SOS2: variants seen among roughly 807,000 people sequenced by gnomAD.
The protein encoded by SOS2 is SOS Ras/Rho guanine nucleotide exchange factor 2.
SOS2 carries 65 observed loss-of-function variants against 148.2 expected under a neutral mutation model. The observed-to-expected ratio is 0.44, with a 90% CI of 0.36 to 0.54. The LOEUF is 0.54. Ranked by LOEUF, SOS2 falls within the 20% of genes least tolerant of loss-of-function variation. The pLI is 0.00. For synonymous variants in SOS2, 539 were observed against 537.1 expected (o/e 1.00, Z -0.05); for missense variants, 1,341 against 1,590.2 (o/e 0.84, Z 2.67).
chr14:50,128,429 C>CAAAA (rs34823252), intron 21 of SOS2, among the ~76,000 whole-genome samples: 2 of 150,604 alleles, frequency 1.3e-5, no homozygotes, highest in Non-Finnish European at 3.0e-5. Context: ...TACAAACAAA[C>CAAAA]CTAAACAAAC....
intron 15 of SOS2, 51 bp downstream of exon 15, chr14:50,145,426 T>C: frequency 6.4e-7 from 1 of 1,568,126 alleles, no homozygotes; most frequent in Non-Finnish European, 8.6e-7. Context: ...AGCTTAAATA[T>C]GACTTAATAT....
intron 4 of SOS2, among the ~76,000 whole-genome samples, chr14:50,190,913 C>T (rs1393422043): frequency 1.3e-5 from 2 of 152,116 alleles, no homozygotes; most frequent in African/African-American, 4.8e-5. Context: ...AACAGACATG[C>T]AAAATAAAGG....
chr14:50,131,279 A>G (rs372304617), intron 19 of SOS2, among the ~76,000 whole-genome samples: 1 of 152,180 alleles, frequency 6.6e-6, no homozygotes, highest in East Asian at 1.9e-4. Flanking sequence ...TGGCAGGAGT[A>G]ATCAAATAAA....
Position 50,118,742 on chromosome 14 carries a change from G to A in SOS2, c.3601C>T (p.His1201Tyr). The change falls in exon 23 of 23, where the codon CAT becomes TAT. Residue 1201 changes from histidine (H) to tyrosine (Y), a missense_variant. Around this residue, in one of 4 missense-constraint regions of SOS2, gnomAD observed 354 missense variants for 347.7 expected, o/e 1.02. Coordinates refer to ENST00000216373, the MANE Select transcript of SOS2 (RefSeq NM_006939.4). ...VPTGAFDGPL[H>Y]SPPPPPPRDP... is the part of the protein sequence containing the mutation. The stretch of plus-strand genomic sequence containing the variant: ...CTTGGTGGTGGCGGAGGTGGACTAT[G>A]CAGAGGCCCATCAAATGCACCAGTA... The A allele has an allele frequency of 6.2e-7, 1 of 1,613,356 alleles. No individual in the cohort carries two copies. Among genetic ancestry groups the A allele is most frequent in the Non-Finnish European group, 8.5e-7 (1 of 1,179,854 alleles).
At chr14:50,229,553 A>G (rs1887477735) in intron 1 of SOS2, among the ~76,000 whole-genome samples, 1 of 152,052 alleles carries the variant, frequency 6.6e-6, no homozygotes, top group Admixed American at 6.6e-5. Flanking sequence ...TTATGCCTGT[A>G]ATCCCAACAG....
intron 12 of SOS2, chr14:50,155,988 T>C (rs917756425): frequency 6.6e-6 from 1 of 152,176 alleles, no homozygotes; most frequent in African/African-American, 2.4e-5. Context: ...GACATATAGC[T>C]GGGAGCACTA....
chr14:50,197,116 G>C (rs564163526), intron 4 of SOS2, among the ~76,000 whole-genome samples: 2 of 152,190 alleles, frequency 1.3e-5, no homozygotes, highest in East Asian at 3.9e-4. Flanking sequence ...GCCTCCCAAA[G>C]TGCTGGGATT....
At chr14:50,209,172 G>T (rs1040057232) in intron 1 of SOS2, among the ~76,000 whole-genome samples, 1 of 152,050 alleles carries the variant, frequency 6.6e-6, no homozygotes, top group Non-Finnish European at 1.5e-5. Flanking sequence ...TTCAGACTAG[G>T]ACTAGAATTA....
At chr14:50,186,127 T>C (rs1485287076) in intron 5 of SOS2, among the ~76,000 whole-genome samples, 1 of 152,174 alleles carries the variant, frequency 6.6e-6, no homozygotes. Context: ...CTTTAATATT[T>C]GCAGAGTACT....
chr14:50,217,100 A>G (rs1887060400), intron 1 of SOS2, among the ~76,000 whole-genome samples: 1 of 152,236 alleles, frequency 6.6e-6, no homozygotes. Context: ...ACTGACATAA[A>G]GATAAGGAAA....
chr14:50,136,225 G>C (rs2139538837), intron 18 of SOS2, among the ~76,000 whole-genome samples: 1 of 152,212 alleles, frequency 6.6e-6, no homozygotes, highest in South Asian at 2.1e-4. Flanking sequence ...CTCATCCTTT[G>C]CTCTATTTTA....
rs746848280 is a variant in SOS2 at position 50,140,042 on chromosome 14, T to C, written c.2685A>G (p.Lys895=). The C allele has an allele frequency of 1.9e-6, 3 of 1,588,182 alleles. No individual in the cohort carries two copies. The highest frequency in any genetic ancestry group is 2.6e-6 in the Non-Finnish European group (3 of 1,158,658). Residue 895 remains lysine (K), a synonymous_variant, in exon 17 of 23, where the codon AAA becomes AAG. Coordinates refer to ENST00000216373, the MANE Select transcript of SOS2 (RefSeq NM_006939.4). ...DHTFEALQER[K]RKILDEAVEL... ...CCACAGCTTCGTCCAAAATTTTCCT[T>C]TTCCTTTCCTGCAGTGCCTTAAAGT...
rs1883396353 is a variant in SOS2, at chr14:50,118,672, G to A, written c.3671C>T (p.Pro1224Leu). The change falls in exon 23 of 23, where the codon CCA becomes CTA. Residue 1224 changes from proline to leucine, a missense_variant. By Grantham distance (98) the Pro-to-Leu change is moderately conservative (BLOSUM62 -3). This residue lies in a region of SOS2 where 354 missense variants were observed against 347.7 expected (regional missense o/e 1.02). Coordinates refer to ENST00000216373, the MANE Select transcript of SOS2 (RefSeq NM_006939.4). ...AAATGGACAGTTTATAAAGTGTTCT[G>A]GAGGCCGAAGGGGAACTGGTGGAGG... The part of the protein sequence containing the change: ...DTPPPVPLRP[P>L]EHFINCPFNL... 6.2e-7 allele frequency: 1 copy of A among 1,613,840 alleles called. No homozygotes were observed. Among genetic ancestry groups the A allele is most frequent in the East Asian group, 2.2e-5 (1 of 44,874 alleles).
Position 50,136,036 on chromosome 14 carries a change from A to C in SOS2, c.2959-1797T>G, listed in dbSNP as rs1884068345. Among the ~76,000 whole-genome samples the C allele has an allele frequency of 2.0e-5, 3 of 152,310 alleles. No individual in the cohort carries two copies. In the South Asian group the frequency reaches 6.2e-4, roughly 32 times the overall value. On this transcript the variant is annotated intron_variant, in intron 18 of 22. Coordinates refer to ENST00000216373, the MANE Select transcript of SOS2 (RefSeq NM_006939.4). ...TTAGCAGTAGGCAAAATGAGCTTTA[A>C]AATTTCTAGTATAAAATTCTTCCCA...
intron 1 of SOS2, among the ~76,000 whole-genome samples, chr14:50,209,274 C>CGCGTGTGTGTGTGTGT (rs1415473469): frequency 1.7e-5 from 2 of 118,276 alleles, no homozygotes; most frequent in African/African-American, 5.8e-5. Flanking sequence ...CCTTAAATGT[C>CGCGTGTGTGTGTGTGT]GTGTGTGTGT....
At chr14:50,198,019 A>G (rs888194343) in intron 4 of SOS2, among the ~76,000 whole-genome samples, 15 of 145,170 alleles carry the variant, frequency 1.0e-4, no homozygotes, top group African/African-American at 3.8e-4. Flanking sequence ...TTTTTTTTGA[A>G]GTTAAGGGAG....
In SOS2 at chr14:50,193,573, C is replaced by G. The variant is rs559979552; in HGVS notation, c.511-4873G>C. Among the ~76,000 whole-genome samples the G allele has an allele frequency of 1.5e-3, 233 of 152,162 alleles. 3 individuals are homozygous for G. In the Middle Eastern group the frequency reaches 0.021, roughly 13 times the overall value. On this transcript the variant is annotated intron_variant, in intron 4 of 22. Transcript: ENST00000216373. ...TAGGGTTGATTCTCAAGTTCTCTGT[C>G]TGGCAAATTAAAGATATCCCTAGAA...
intron 1 of SOS2, among the ~76,000 whole-genome samples, chr14:50,222,115 T>A (rs192843094): frequency 6.6e-6 from 1 of 152,296 alleles, no homozygotes; most frequent in African/African-American, 2.4e-5. Flanking sequence ...GGATATCAAA[T>A]TATTTTGGTA....
chr14:50,132,690 G>T (rs146128140), intron 19 of SOS2, among the ~76,000 whole-genome samples: 1 of 151,886 alleles, frequency 6.6e-6, no homozygotes, highest in Non-Finnish European at 1.5e-5. Flanking sequence ...CAAAAAGAAA[G>T]GTCATGGCAA....
Sources: allele counts gnomAD v4.1 joint callset (sites outside exome capture counted in the v4.1 genomes callset), GRCh38; gene constraint gnomAD v4.1.1; regional missense constraint gnomAD v4.1.1; transcripts MANE v1.5; gene names NCBI Gene and HGNC (gene_info 2026-07-23, HGNC 2026-07-21).